Variants in PCDHA10 observed in about 807,000 individuals in gnomAD.
The protein encoded by PCDHA10 is protocadherin alpha 10, also known as protocadherin alpha-10.
A neutral mutation model predicts 61.2 loss-of-function variants in PCDHA10; 45 were observed. That is an observed-to-expected ratio of 0.74 (90% CI 0.58 to 0.94). The LOEUF is 0.94. Ranked by LOEUF, PCDHA10 falls within the 40% of genes least tolerant of loss-of-function variation. PCDHA10 has a pLI of 0.00. For synonymous variants in PCDHA10, 602 were observed against 548.8 expected, an observed-to-expected ratio of 1.10 and a Z score of -1.35; for missense variants, 1,278 against 1,236.2, an observed-to-expected ratio of 1.03 and a Z score of -0.51.
At chr5:140,887,157 C>T (rs1200573671) in intron 1 of PCDHA10, among the ~76,000 whole-genome samples, 4 of 151,110 alleles carry the variant, frequency 2.6e-5, no homozygotes, top group African/African-American at 9.7e-5. Flanking sequence ...AGTACAGTGG[C>T]GTGATCTCGG....
Position 141,009,940 on chromosome 5 carries a change from T to G in PCDHA10, c.*3T>G, listed in dbSNP as rs782531781. ...CGACTGACAACAGTGACCAGTGAGG[T>G]CCTCAAATGGAAACAAGCCACTTAG... On this transcript the variant is annotated 3_prime_UTR_variant, in exon 4 of 4. Transcript: ENST00000307360. 7 of 1,598,042 alleles carry G rather than the reference T, an allele frequency of 4.4e-6. No homozygotes were observed. The highest frequency in any genetic ancestry group is 4.3e-6 in the Non-Finnish European group (5 of 1,174,556).
intron 1 of PCDHA10, chr5:140,871,426 C>T (rs1554165586): frequency 1.2e-6 from 2 of 1,613,320 alleles, no homozygotes; most frequent in Non-Finnish European, 8.5e-7. Context: ...CAGCCCCAGT[C>T]TTCCTCTAGG....
chr5:140,858,024 C>A lies in PCDHA10; in HGVS notation c.1976C>A (p.Thr659Lys), dbSNP rs782656168. Residue 659 changes from threonine to lysine, a missense_variant, in exon 1 of 4, where the codon ACG (threonine) becomes AAG (lysine). Transcript: ENST00000307360. ...LVKDHGEPSL[T>K]ATATVLVSLV... ...AAGGACCATGGCGAGCCGTCGCTGACGGCCACGGCCACTGTGCTTGTGTCG... is the reference window on the plus strand; with the variant it reads ...AAGGACCATGGCGAGCCGTCGCTGAAGGCCACGGCCACTGTGCTTGTGTCG... 1 of 1,596,584 alleles carries A rather than the reference C, an allele frequency of 6.3e-7. No individual in the cohort carries two copies. Among genetic ancestry groups the A allele is most frequent in the East Asian group, 2.2e-5 (1 of 44,824 alleles).
intron 1 of PCDHA10, among the ~76,000 whole-genome samples, chr5:140,976,828 C>G (rs935294640): frequency 6.6e-6 from 1 of 152,262 alleles, no homozygotes; most frequent in Admixed American, 6.5e-5. Flanking sequence ...GTCTAATGAG[C>G]AAAACAGATA....
At chr5:140,999,837 A>G (rs2097878885) in intron 3 of PCDHA10, among the ~76,000 whole-genome samples, 2 of 152,206 alleles carry the variant, frequency 1.3e-5, no homozygotes, top group South Asian at 2.1e-4. Flanking sequence ...AAATATGCCA[A>G]GTGTATTTAT....
chr5:140,878,927 A>G (rs1176306554), intron 1 of PCDHA10, among the ~76,000 whole-genome samples: 1 of 152,216 alleles, frequency 6.6e-6, no homozygotes, highest in African/African-American at 2.4e-5. Context: ...TCAATCAATA[A>G]TTTTAAATAA....
At chr5:140,969,034 G>A in intron 1 of PCDHA10, 1 of 1,614,144 alleles carries the variant, frequency 6.2e-7, no homozygotes, top group East Asian at 2.2e-5. Flanking sequence ...CTGCAGAACT[G>A]TACAAACAAG....
At chr5:140,976,140 C>T (rs1276971902) in intron 1 of PCDHA10, among the ~76,000 whole-genome samples, 9 of 152,130 alleles carry the variant, frequency 5.9e-5, no homozygotes, top group African/African-American at 1.7e-4. Flanking sequence ...CTGGATGAAA[C>T]TCATGTACAT....
At chr5:140,968,634 A>T (rs782166097) in intron 1 of PCDHA10, 7 of 1,614,176 alleles carry the variant, frequency 4.3e-6, no homozygotes, top group Non-Finnish European at 5.9e-6. Flanking sequence ...CTTTTTTACC[A>T]TCTAGCCCAG....
chr5:140,857,582 G>T lies in PCDHA10; in HGVS notation c.1534G>T (p.Glu512Ter). The change falls in exon 1 of 4, where the codon GAG becomes TAG. Residue 512 changes from glutamate to a stop codon, truncating the protein, a stop_gained. Transcript: ENST00000307360. LOFTEE classifies it high-confidence loss of function. ...SLSSYVSVHA[E>*]SGKVYALQPL... ...GTCGAGCTACGTGTCGGTGCACGCG[G>T]AGAGCGGCAAGGTGTACGCGCTGCA... 1 of 1,596,726 alleles carries T rather than the reference G, an allele frequency of 6.3e-7. No homozygotes were observed. Among genetic ancestry groups the T allele is most frequent in the Non-Finnish European group, 8.6e-7 (1 of 1,167,710 alleles).
At chr5:140,866,376 CA>C (rs2049320172) in intron 1 of PCDHA10, 1 of 152,074 alleles carries the variant, frequency 6.6e-6, no homozygotes, top group South Asian at 2.1e-4. Flanking sequence ...ACTTCAATAA[CA>C]ATTTTAAAGA....
At chr5:140,953,932 C>T (rs1005245846) in intron 1 of PCDHA10, among the ~76,000 whole-genome samples, 1 of 152,060 alleles carries the variant, frequency 6.6e-6, no homozygotes, top group Admixed American at 6.6e-5. Flanking sequence ...CTGATGCTCT[C>T]CCTCCCATTG....
chr5:140,887,880 G>A (rs2061617016), intron 1 of PCDHA10, among the ~76,000 whole-genome samples: 1 of 151,970 alleles, frequency 6.6e-6, no homozygotes, highest in African/African-American at 2.4e-5. Flanking sequence ...TCCTTTTGTA[G>A]TATCATATCT....
chr5:140,869,123 G>A, intron 1 of PCDHA10: 1 of 1,608,454 alleles, frequency 6.2e-7, no homozygotes, highest in South Asian at 1.1e-5. Flanking sequence ...TTTCAGAGAA[G>A]GGGATTGGGC....
At chr5:140,877,299 C>T in intron 1 of PCDHA10, 1 of 1,613,922 alleles carries the variant, frequency 6.2e-7, no homozygotes. Flanking sequence ...GGCTGTCCTA[C>T]GAGTTGCAAC....
At chr5:140,869,325 T>C in intron 1 of PCDHA10, 2 of 1,613,866 alleles carry the variant, frequency 1.2e-6, no homozygotes, top group Non-Finnish European at 1.7e-6. Flanking sequence ...ATGGGGACCT[T>C]CTGGAGGTAA....
intron 1 of PCDHA10, among the ~76,000 whole-genome samples, chr5:140,941,247 CTTTCTTTCTCTT>C (rs1165264412): frequency 7.0e-5 from 9 of 128,506 alleles, no homozygotes; most frequent in African/African-American, 1.7e-4. Context: ...TTCTTTCTTT[CTTTCTTTCTCTT>C]TCTTTCTTTC....
chr5:140,893,662 A>T (rs1462433571), intron 1 of PCDHA10, among the ~76,000 whole-genome samples: 5 of 152,204 alleles, frequency 3.3e-5, no homozygotes, highest in African/African-American at 1.2e-4. Context: ...GTTTTAAAAA[A>T]TTTCAGCACT....
intron 1 of PCDHA10, among the ~76,000 whole-genome samples, chr5:140,946,597 T>A (rs952488909): frequency 1.5e-5 from 2 of 137,412 alleles, no homozygotes; most frequent in Admixed American, 7.5e-5. Context: ...GATGAATAGA[T>A]AAAGAAAATG....
Sources: allele counts gnomAD v4.1 joint callset (sites outside exome capture counted in the v4.1 genomes callset), GRCh38; gene constraint gnomAD v4.1.1; transcripts MANE v1.5; gene names NCBI Gene and HGNC (gene_info 2026-07-23, HGNC 2026-07-21).